CDH18: variants seen among roughly 807,000 people sequenced by gnomAD.
The protein encoded by CDH18 is cadherin 18.
In CDH18, 31 loss-of-function variants were observed where a neutral mutation model predicts 67.9. The observed-to-expected ratio is 0.46, with a 90% CI of 0.34 to 0.62. The LOEUF is 0.62. CDH18 is among the 20% of genes least tolerant of loss of function. The pLI, the probability that CDH18 is intolerant of heterozygous loss-of-function variation, is 0.01. For missense variants in CDH18, 890 were observed against 975.5 expected (o/e 0.91, Z 1.17); for synonymous variants, 362 against 347.2 (o/e 1.04, Z -0.48).
chr5:19,556,607 C>T (rs10053793), intron 8 of CDH18, among the ~76,000 whole-genome samples: 84,268 of 151,892 alleles, frequency 0.55, 24,784 homozygotes, highest in Middle Eastern at 0.7. Flanking sequence ...CGAGCAAAGC[C>T]TCCAAGAAGT....
At chr5:19,481,229 TTC>T (rs1180042579) in intron 12 of CDH18, among the ~76,000 whole-genome samples, 1 of 152,164 alleles carries the variant, frequency 6.6e-6, no homozygotes, top group Non-Finnish European at 1.5e-5. Flanking sequence ...TCTACATATA[TTC>T]TCTTGCTGGG....
chr5:20,128,704 T>A (rs1749026074), intron 2 of CDH18, among the ~76,000 whole-genome samples: 1 of 152,160 alleles, frequency 6.6e-6, no homozygotes, highest in African/African-American at 2.4e-5. Context: ...TTGTGATTCA[T>A]CAGAAACAGT....
intron 10 of CDH18, among the ~76,000 whole-genome samples, chr5:19,518,183 T>C (rs1746335039): frequency 6.6e-6 from 1 of 152,114 alleles, no homozygotes; most frequent in Non-Finnish European, 1.5e-5. Context: ...ATAATCTTAA[T>C]ATTTTAAGTG....
chr5:20,177,220 A>C (rs2126671041), intron 2 of CDH18, among the ~76,000 whole-genome samples: 1 of 152,230 alleles, frequency 6.6e-6, no homozygotes, highest in East Asian at 1.9e-4. Flanking sequence ...ACAGTTTCAA[A>C]ATTCTGTTAA....
chr5:19,501,741 C>T (rs1367444872), intron 11 of CDH18, among the ~76,000 whole-genome samples: 2 of 152,028 alleles, frequency 1.3e-5, no homozygotes, highest in African/African-American at 2.4e-5. Flanking sequence ...CATGGATCAA[C>T]ATATGATTCC....
intron 1 of CDH18, among the ~76,000 whole-genome samples, chr5:20,477,782 C>A (rs1161484703): frequency 6.6e-6 from 1 of 152,168 alleles, no homozygotes; most frequent in Admixed American, 6.5e-5. Flanking sequence ...TGCATACAAC[C>A]CAGTGAGACG....
At chr5:19,628,024 C>T (rs1168889756) in intron 5 of CDH18, among the ~76,000 whole-genome samples, 2 of 152,116 alleles carry the variant, frequency 1.3e-5, no homozygotes, top group East Asian at 1.9e-4. Flanking sequence ...GCTGTCTCCA[C>T]CCAAATCTCA....
At chr5:20,509,789 C>T (rs1375555144) in intron 1 of CDH18, among the ~76,000 whole-genome samples, 2 of 152,142 alleles carry the variant, frequency 1.3e-5, no homozygotes, top group Non-Finnish European at 2.9e-5. Context: ...ATCCAATCAT[C>T]TATGGAAGGA....
At chr5:20,153,871 G>A (rs1751322078) in intron 2 of CDH18, among the ~76,000 whole-genome samples, 1 of 152,126 alleles carries the variant, frequency 6.6e-6, no homozygotes, top group African/African-American at 2.4e-5. Flanking sequence ...GAATACTTTG[G>A]GGGTTGGAGC....
At chr5:19,519,164 A>C (rs951131789) in intron 10 of CDH18, among the ~76,000 whole-genome samples, 1 of 152,150 alleles carries the variant, frequency 6.6e-6, no homozygotes, top group African/African-American at 2.4e-5. Context: ...TTTTTTGCTT[A>C]AATAAGCCCT....
At chr5:19,485,413 G>A (rs1349304916) in intron 11 of CDH18, among the ~76,000 whole-genome samples, 1 of 152,008 alleles carries the variant, frequency 6.6e-6, no homozygotes, top group Non-Finnish European at 1.5e-5. Flanking sequence ...CTGCCAACAT[G>A]CCTGGCTAAT....
chr5:19,904,309 A>AAGACG (rs1485471246), intron 2 of CDH18, among the ~76,000 whole-genome samples: 2 of 145,750 alleles, frequency 1.4e-5, no homozygotes, highest in South Asian at 2.3e-4. Flanking sequence ...AAGAAAAGAA[A>AAGACG]AAACGAAAAG....
At chr5:19,929,960 A>G (rs1289884912) in intron 2 of CDH18, among the ~76,000 whole-genome samples, 1 of 152,100 alleles carries the variant, frequency 6.6e-6, no homozygotes, top group Non-Finnish European at 1.5e-5. Flanking sequence ...AGGTTGAAGT[A>G]GAAACTAAGA....
At chr5:20,178,592 CTT>C (rs111364657) in intron 2 of CDH18, among the ~76,000 whole-genome samples, 3 of 142,596 alleles carry the variant, frequency 2.1e-5, no homozygotes. Context: ...TTCTTTCTTT[CTT>C]TTTTTTTTTG....
In CDH18 at chr5:19,646,829, TA is replaced by T. The variant is rs569994716; in HGVS notation, c.644-34229del. Among the ~76,000 whole-genome samples, 16 of 151,952 alleles carry T rather than the reference TA, an allele frequency of 1.1e-4. No individual in the cohort carries two copies. In the South Asian group the frequency reaches 3.1e-3, roughly 30 times the overall value. ...TATCTTATAAATGACAACAAAGTAT[TA>T]AAAAATAAAATACAACATGCAATGG... is the stretch of plus-strand genomic sequence containing the variant. On this transcript the variant is annotated intron_variant, in intron 5 of 12. Coordinates refer to ENST00000382275, the MANE Select transcript of CDH18 (RefSeq NM_004934.5).
chr5:20,055,851 G>A (rs1476436461), intron 2 of CDH18, among the ~76,000 whole-genome samples: 1 of 152,028 alleles, frequency 6.6e-6, no homozygotes, highest in East Asian at 1.9e-4. Flanking sequence ...ATTAATAACA[G>A]GCATGTATAA....
At chr5:20,002,221 T>A (rs548916586) in intron 2 of CDH18, among the ~76,000 whole-genome samples, 3 of 152,338 alleles carry the variant, frequency 2.0e-5, no homozygotes, top group East Asian at 1.9e-4. Flanking sequence ...TATTGAAACA[T>A]CATTGGCCCC....
intron 10 of CDH18, among the ~76,000 whole-genome samples, chr5:19,510,918 T>C (rs965381924): frequency 6.6e-6 from 1 of 151,954 alleles, no homozygotes; most frequent in African/African-American, 2.4e-5. Flanking sequence ...TTCAAGCGAT[T>C]CTCCTGCCTC....
intron 7 of CDH18, among the ~76,000 whole-genome samples, chr5:19,589,586 G>A (rs1292034558): frequency 1.3e-5 from 2 of 152,138 alleles, no homozygotes; most frequent in South Asian, 4.1e-4. Flanking sequence ...GGAATGCAGT[G>A]ATAAGTTAAC....
Sources: gnomAD v4.1 joint callset for allele counts (sites outside exome capture counted in the v4.1 genomes callset) on GRCh38, gnomAD v4.1.1 for gene constraint, MANE v1.5 for transcripts, NCBI Gene and HGNC (gene_info 2026-07-23, HGNC 2026-07-21) for gene names.